Variants in PIP5K1B observed in about 807,000 individuals in gnomAD.
The protein encoded by PIP5K1B is phosphatidylinositol-4-phosphate 5-kinase type 1 beta.
Under a neutral mutation model 67.0 loss-of-function variants are expected in PIP5K1B, and 42 were observed. The ratio of observed to expected loss-of-function variants is 0.63; its 90% confidence interval spans 0.49 to 0.81. PIP5K1B has a LOEUF of 0.81. Among genes scored for constraint, PIP5K1B ranks in the 30% least tolerant of loss-of-function variants. The pLI, the probability that PIP5K1B is intolerant of heterozygous loss-of-function variation, is 0.00. For synonymous variants in PIP5K1B, 214 were observed against 231.4 expected (o/e 0.92, Z 0.68); for missense variants, 459 against 646.3 (o/e 0.71, Z 3.14).
intron 9 of PIP5K1B, among the ~76,000 whole-genome samples, chr9:68,918,091 A>AT (rs956634963): frequency 1.2e-4 from 17 of 136,774 alleles, no homozygotes; most frequent in South Asian, 2.4e-4. Flanking sequence ...TTGTTTATTT[A>AT]TTTATTTTTT....
rs147987893 is a variant in PIP5K1B, at chr9:68,872,186, G to A, written c.201-4491G>A. ...GTGCTGTGGAGATTCTGTGCTGAAC[G>A]CCTGTGGGCTGGCACCCACATCTAC... On this transcript the variant is annotated intron_variant, in intron 5 of 15. Transcript: ENST00000265382. 1.7e-3 allele frequency among the ~76,000 whole-genome samples: 250 copies of A among 150,216 alleles called. 2 individuals carry two copies. The highest frequency in any genetic ancestry group is 5.7e-3 in the African/African-American group (231 of 40,774).
intron 5 of PIP5K1B, among the ~76,000 whole-genome samples, chr9:68,872,504 G>T (rs1018662225): frequency 2.0e-5 from 3 of 152,204 alleles, no homozygotes; most frequent in African/African-American, 7.2e-5. Context: ...TCAGTTTATG[G>T]CTTTTAACCT....
intron 14 of PIP5K1B, among the ~76,000 whole-genome samples, chr9:68,977,036 G>GC (rs1356895008): frequency 1.3e-5 from 2 of 152,108 alleles, no homozygotes; most frequent in Non-Finnish European, 2.9e-5. Flanking sequence ...TTCATGGATG[G>GC]CCCATACTGC....
At chr9:68,941,699 C>T (rs780132955) in intron 14 of PIP5K1B, among the ~76,000 whole-genome samples, 4 of 152,162 alleles carry the variant, frequency 2.6e-5, no homozygotes, top group Non-Finnish European at 4.4e-5. Context: ...TGAAGAATTC[C>T]TTACGCTTTA....
rs997127700 is a variant in PIP5K1B at position 68,982,188 on chromosome 9, G to A, written c.1503-8952G>A. Among the ~76,000 whole-genome samples, 5 of 152,188 alleles carry A rather than the reference G, an allele frequency of 3.3e-5. No individual in the cohort carries two copies. The East Asian group carries it at 9.6e-4, about 29-fold the overall frequency. The stretch of plus-strand genomic sequence containing the variant: ...GGATCTTCCCAAGCCACAAGTCTGA[G>A]AAATGGTGGGCACTCTGACCTGACC... On this transcript the variant is annotated intron_variant, in intron 14 of 15. Transcript: ENST00000265382.
chr9:68,706,441 T>A (rs961589716), intron 1 of PIP5K1B, among the ~76,000 whole-genome samples: 1 of 152,212 alleles, frequency 6.6e-6, no homozygotes, highest in Non-Finnish European at 1.5e-5. Flanking sequence ...TCTATGCAGA[T>A]GAGCGTGTTG....
At chr9:68,972,403 G>A (rs532373897) in intron 14 of PIP5K1B, among the ~76,000 whole-genome samples, 2 of 152,240 alleles carry the variant, frequency 1.3e-5, no homozygotes, top group South Asian at 2.1e-4. Flanking sequence ...AATAATGGGC[G>A]ATCGAGGCGG....
chr9:68,998,712 A>G (rs77433860), intron 15 of PIP5K1B, among the ~76,000 whole-genome samples: 2,915 of 152,290 alleles, frequency 0.019, 88 homozygotes, highest in African/African-American at 0.067. Flanking sequence ...AACTTTTAGG[A>G]AAACAAGTTT....
rs929228269 is a variant in PIP5K1B, at chr9:68,991,978, G to GC, written c.1620+721_1620+722insC. Among the ~76,000 whole-genome samples, 4 of 133,916 alleles carry GC rather than the reference G, an allele frequency of 3.0e-5. No individual in the cohort carries two copies. In the East Asian group the frequency reaches 5.9e-4, roughly 20 times the overall value. 87.9% of individuals were successfully genotyped at this position (133,916 alleles called of 152,430 possible). ...GCCTGCACAAAAAAAAATTTTTTTT[G>GC]GGGGGGGGCAGAGTTTTGCTCTTGT... On this transcript the variant is annotated intron_variant, in intron 15 of 15. Coordinates refer to ENST00000265382, the MANE Select transcript of PIP5K1B (RefSeq NM_003558.4).
intron 6 of PIP5K1B, among the ~76,000 whole-genome samples, chr9:68,885,975 A>T (rs1267851150): frequency 2.0e-5 from 3 of 152,118 alleles, no homozygotes; most frequent in African/African-American, 4.8e-5. Context: ...AGGTCAGGAG[A>T]TCGAGACCAT....
chr9:68,815,278 A>AG (rs1423364198), intron 2 of PIP5K1B, among the ~76,000 whole-genome samples: 2 of 151,388 alleles, frequency 1.3e-5, no homozygotes, highest in Non-Finnish European at 1.5e-5. Context: ...AAAAAAAAAA[A>AG]GAGTGAAAAA....
Position 68,978,929 on chromosome 9 carries a change from C to T in PIP5K1B, c.1503-12211C>T, listed in dbSNP as rs74662746. On this transcript the variant is annotated intron_variant, in intron 14 of 15. Coordinates refer to ENST00000265382, the MANE Select transcript of PIP5K1B (RefSeq NM_003558.4). ...TCTACGTTTAACTTTCACATTTTGT[C>T]GGTGATCCATCTCAAATTAATTTCT... is the stretch of plus-strand genomic sequence containing the variant. 5.7e-3 allele frequency among the ~76,000 whole-genome samples: 861 copies of T among 152,244 alleles called. 8 individuals are homozygous for T. Among genetic ancestry groups the T allele is most frequent in the African/African-American group, 0.02 (818 of 41,540 alleles).
intron 6 of PIP5K1B, among the ~76,000 whole-genome samples, chr9:68,883,792 C>T (rs1190347971): frequency 6.7e-6 from 1 of 149,444 alleles, no homozygotes; most frequent in Non-Finnish European, 1.5e-5. Context: ...AAAACAGACA[C>T]ATTGACCAAA....
In PIP5K1B at chr9:68,748,855, G is replaced by A. The variant is rs188172026; in HGVS notation, c.-86+6198G>A. Among the ~76,000 whole-genome samples, 1,111 of 152,094 alleles carry A rather than the reference G, an allele frequency of 7.3e-3. 10 individuals carry two copies. Among genetic ancestry groups the A allele is most frequent in the Non-Finnish European group, 0.011 (765 of 67,974 alleles). On this transcript the variant is annotated intron_variant, in intron 2 of 15. Transcript: ENST00000265382. ...TCGAACTCCCGACCTCAGGTGATCC[G>A]CCCACCTCTGCCTCCCAAAGGGCTG...
At chr9:68,835,891 G>C (rs540135506) in intron 4 of PIP5K1B, among the ~76,000 whole-genome samples, 2 of 136,482 alleles carry the variant, frequency 1.5e-5, no homozygotes, top group South Asian at 2.2e-4. Context: ...CAAATTTTCT[G>C]TTGTAGCTTT....
intron 14 of PIP5K1B, among the ~76,000 whole-genome samples, chr9:68,989,216 A>C (rs1363643979): frequency 6.6e-6 from 1 of 151,942 alleles, no homozygotes; most frequent in Admixed American, 6.6e-5. Flanking sequence ...AAATATGTAC[A>C]AAGACAGGAT....
intron 2 of PIP5K1B, among the ~76,000 whole-genome samples, chr9:68,757,519 T>A (rs1335920455): frequency 6.6e-6 from 1 of 152,100 alleles, no homozygotes; most frequent in Non-Finnish European, 1.5e-5. Flanking sequence ...CCTACCTCTT[T>A]CTCTCTGAAA....
intron 2 of PIP5K1B, among the ~76,000 whole-genome samples, chr9:68,802,074 T>C (rs1832631186): frequency 6.6e-6 from 1 of 152,256 alleles, no homozygotes; most frequent in Non-Finnish European, 1.5e-5. Flanking sequence ...ATGAGTTGCA[T>C]TTATAATGAT....
intron 2 of PIP5K1B, among the ~76,000 whole-genome samples, chr9:68,800,757 T>C (rs991135648): frequency 6.6e-6 from 1 of 152,194 alleles, no homozygotes; most frequent in Non-Finnish European, 1.5e-5. Flanking sequence ...TGCAAGGGCA[T>C]AGGCATTTGC....
Sources: allele counts gnomAD v4.1 joint callset (sites outside exome capture counted in the v4.1 genomes callset), GRCh38; gene constraint gnomAD v4.1.1; transcripts MANE v1.5; gene names NCBI Gene and HGNC (gene_info 2026-07-23, HGNC 2026-07-21).